ARHGEF11: variants seen among roughly 807,000 people sequenced by gnomAD.
ARHGEF11 encodes the protein Rho guanine exchange factor (GEF) 11.
A neutral mutation model predicts 193.7 loss-of-function variants in ARHGEF11; 55 were observed. The ratio of observed to expected loss-of-function variants is 0.28; its 90% CI spans 0.23 to 0.36. The LOEUF is 0.36. ARHGEF11 is among the 10% of genes least tolerant of loss of function. The pLI is 1.00. For missense variants in ARHGEF11, 1,723 were observed against 2,005.6 expected (o/e 0.86, Z 2.69); for synonymous variants, 693 against 768.0 (o/e 0.90, Z 1.62).
intron 3 of ARHGEF11, among the ~76,000 whole-genome samples, chr1:156,982,612 C>T (rs560537077): frequency 1.3e-5 from 2 of 152,266 alleles, no homozygotes; most frequent in East Asian, 1.9e-4. Flanking sequence ...TCCCTGTAAG[C>T]CATCTTTTCC....
chr1:156,940,262 C>A lies in ARHGEF11; in HGVS notation c.3678G>T (p.Leu1226Phe). ...CCATGAACAGAGGGCCTGGGAAGGCCAAGTGGATGGGGTTCCTTGTCCTGA... is the reference window on the plus strand; with the variant it reads ...CCATGAACAGAGGGCCTGGGAAGGCAAAGTGGATGGGGTTCCTTGTCCTGA... ...RGIRTRNPIHLAFPGPLFMEG... is the reference protein window; with the variant it reads ...RGIRTRNPIHFAFPGPLFMEG... The change falls in exon 36 of 41, where the codon TTG (leucine) becomes TTT (phenylalanine). Residue 1226 changes from leucine to phenylalanine, a missense_variant. This residue lies in a region of ARHGEF11 where 203 missense variants were observed against 237.3 expected (regional missense o/e 0.86). Coordinates refer to ENST00000368194, the MANE Select transcript of ARHGEF11 (RefSeq NM_198236.3). 6.2e-7 allele frequency: 1 copy of A among 1,611,540 alleles called. No homozygotes were observed. Among genetic ancestry groups the A allele is most frequent in the Non-Finnish European group, 8.5e-7 (1 of 1,178,278 alleles).
At chr1:156,946,540 T>A in intron 28 of ARHGEF11, 122 bp downstream of exon 28, 1 of 1,354,198 alleles carries the variant, frequency 7.4e-7, no homozygotes, top group Non-Finnish European at 1.0e-6. Flanking sequence ...GAGGAGCGTG[T>A]GTCGAAGGGT....
intron 1 of ARHGEF11, among the ~76,000 whole-genome samples, chr1:156,988,797 CA>C (rs761589059): frequency 2.6e-5 from 4 of 151,740 alleles, no homozygotes; most frequent in Admixed American, 2.0e-4. Flanking sequence ...GCAACAGATG[CA>C]AAAAAAATTT....
At chr1:156,961,970 C>A (rs1660927032) in intron 13 of ARHGEF11, among the ~76,000 whole-genome samples, 195 bp from the exon 14 acceptor site, 1 of 152,190 alleles carries the variant, frequency 6.6e-6, no homozygotes, top group Admixed American at 6.5e-5. Context: ...CAGTCTACCA[C>A]AACAAAGAAT....
At chr1:157,013,450 T>C (rs1327447329) in intron 1 of ARHGEF11, among the ~76,000 whole-genome samples, 1 of 151,972 alleles carries the variant, frequency 6.6e-6, no homozygotes, top group Admixed American at 6.6e-5. Flanking sequence ...TATGAATTCC[T>C]CAAACATTAA....
Position 156,948,484 on chromosome 1 carries a change from A to G in ARHGEF11, c.1940T>C (p.Ile647Thr), listed in dbSNP as rs555881730. ...LLESDSSRSE[I>T]RLGRSESLKG... ...GAGGCTTTCAGAGCGGCCCAGGCGA[A>G]TCTCTGAGCGTGAACTGGGGGGAAG... The change falls in exon 23 of 41, where the codon ATT becomes ACT. Residue 647 changes from isoleucine to threonine, a missense_variant. Around this residue, in one of 5 missense-constraint regions of ARHGEF11, gnomAD observed 491 missense variants for 654.5 expected, o/e 0.75. Coordinates refer to ENST00000368194, the MANE Select transcript of ARHGEF11 (RefSeq NM_198236.3). The surrounding 1 kb of genome is among the most constrained non-coding windows in gnomAD (Gnocchi z 4.2). 1.8e-5 allele frequency: 29 copies of G among 1,614,162 alleles called. No individual in the cohort carries two copies. The East Asian group carries it at 5.8e-4, about 32-fold the overall frequency.
rs188179361 is a variant in ARHGEF11, at chr1:157,031,593, C to T, written c.32+12706G>A. On this transcript the variant is annotated intron_variant, in intron 1 of 40. Coordinates refer to ENST00000368194, the MANE Select transcript of ARHGEF11 (RefSeq NM_198236.3). ...TGGAGAACCTGGAGATGATGAGAAA[C>T]GGCCCACTAATGCACAGGGCAAAAA... 6.6e-5 allele frequency among the ~76,000 whole-genome samples: 10 copies of T among 152,270 alleles called. No homozygotes were observed. The East Asian group carries it at 1.2e-3, about 18-fold the overall frequency.
Position 156,948,084 on chromosome 1 carries a change from C to A in ARHGEF11, c.2153+97G>T. On this transcript the variant is annotated intron_variant, in intron 24 of 40. Transcript: ENST00000368194. The surrounding 1 kb of genome is among the most constrained non-coding windows in gnomAD (Gnocchi z 4.2). ...AAACCAGTGGGCCCAGAAGAGGAGA[C>A]AGCCACCCAACCAGCCCCTTGCAGG... 1 of 1,536,274 alleles carries A rather than the reference C, an allele frequency of 6.5e-7. No homozygotes were observed. Among genetic ancestry groups the A allele is most frequent in the Non-Finnish European group, 8.8e-7 (1 of 1,135,866 alleles).
chr1:157,021,661 C>T (rs1405590399), intron 1 of ARHGEF11, among the ~76,000 whole-genome samples: 3 of 152,164 alleles, frequency 2.0e-5, no homozygotes, highest in South Asian at 2.1e-4. Context: ...AGACTAAATT[C>T]AAAAGTCTTG....
chr1:157,019,524 T>C (rs1384480519), intron 1 of ARHGEF11, among the ~76,000 whole-genome samples: 1 of 152,222 alleles, frequency 6.6e-6, no homozygotes, highest in East Asian at 1.9e-4. Context: ...GACCCAGCCA[T>C]TCTTCTAGGA....
rs1654885702 is a variant in ARHGEF11, at chr1:156,935,483, C to G, written c.*517G>C. On this transcript the variant is annotated 3_prime_UTR_variant, in exon 41 of 41. Coordinates refer to ENST00000368194, the MANE Select transcript of ARHGEF11 (RefSeq NM_198236.3). ...GCCTCCAGCACTTCAGGAACAGGAA[C>G]AAAAAAGGTCAAAGTTATTTACAAT... 1 of 152,304 alleles carries G rather than the reference C, an allele frequency of 6.6e-6. No individual in the cohort carries two copies. The highest frequency in any genetic ancestry group is 1.5e-5 in the Non-Finnish European group (1 of 68,214). The allele number at this position is 152,304 out of a possible 1,614,324, so 9.4% of individuals were successfully genotyped here.
At chr1:156,989,541 G>A (rs148469231) in intron 1 of ARHGEF11, among the ~76,000 whole-genome samples, 4 of 152,216 alleles carry the variant, frequency 2.6e-5, no homozygotes, top group African/African-American at 4.8e-5. Flanking sequence ...GGACCCAAAC[G>A]TCTTTTCAAA....
intron 22 of ARHGEF11, among the ~76,000 whole-genome samples, chr1:156,950,267 G>C (rs1053655377): frequency 2.6e-5 from 4 of 152,096 alleles, no homozygotes; most frequent in Non-Finnish European, 5.9e-5. Flanking sequence ...CTGAAAAAAG[G>C]CTTCATATAA....
At chr1:156,974,762 C>T (rs1331933461) in intron 7 of ARHGEF11, among the ~76,000 whole-genome samples, 1 of 152,210 alleles carries the variant, frequency 6.6e-6, no homozygotes, top group East Asian at 1.9e-4. Context: ...AATAATACGA[C>T]CTGTAGATTT....
chr1:157,016,985 T>A (rs1018078090), intron 1 of ARHGEF11, among the ~76,000 whole-genome samples: 5 of 152,052 alleles, frequency 3.3e-5, no homozygotes, highest in Non-Finnish European at 7.4e-5. Flanking sequence ...CTAGTGAGAT[T>A]TAAGGCTAGA....
intron 1 of ARHGEF11, among the ~76,000 whole-genome samples, chr1:157,011,352 T>C (rs1313250948): frequency 2.0e-5 from 3 of 152,174 alleles, no homozygotes; most frequent in Non-Finnish European, 4.4e-5. Flanking sequence ...TAACTCAAAA[T>C]GGATCACTGA....
At chr1:157,019,089 T>C (rs1035907543) in intron 1 of ARHGEF11, among the ~76,000 whole-genome samples, 29 of 152,222 alleles carry the variant, frequency 1.9e-4, no homozygotes, top group Non-Finnish European at 1.5e-5. Flanking sequence ...GATTTATTCA[T>C]TAAATACAAA....
rs370918950 is a variant in ARHGEF11 at position 156,937,379 on chromosome 1, T to G, written c.4310A>C (p.Gln1437Pro). Residue 1437 changes from glutamine to proline, a missense_variant, in exon 39 of 41, where the codon CAG becomes CCG. Physicochemically the swap from Gln to Pro is moderately conservative, Grantham distance 76. This residue lies in a region of ARHGEF11 where 360 missense variants were observed against 344.4 expected (regional missense o/e 1.05). Coordinates refer to ENST00000368194, the MANE Select transcript of ARHGEF11 (RefSeq NM_198236.3). ...DSLPAGQTEPQPQLQGGNDDP... is the reference protein window; with the variant it reads ...DSLPAGQTEPPPQLQGGNDDP... ...ATCGTTGCCTCCCTGCAGCTGAGGCTGAGGCTCTGTCTGCCCTGCAGGGAG... is the reference window on the plus strand; with the variant it reads ...ATCGTTGCCTCCCTGCAGCTGAGGCGGAGGCTCTGTCTGCCCTGCAGGGAG... The G allele has an allele frequency of 1.9e-4, 313 of 1,608,482 alleles. 1 individual carries two copies. The highest frequency in any genetic ancestry group is 1.5e-3 in the Middle Eastern group (9 of 6,034).
rs372348613 is a variant in ARHGEF11, at chr1:156,939,828, G to A, written c.3816C>T (p.Asp1272=). The A allele has an allele frequency of 4.4e-5, 71 of 1,613,140 alleles. No homozygotes were observed. The highest frequency in any genetic ancestry group is 5.0e-5 in the Admixed American group (3 of 59,964). Residue 1272 remains aspartate, a synonymous_variant, in exon 37 of 41, where the codon GAC becomes GAT. Transcript: ENST00000368194. ...METQAAQEPE[D]DLTPTPSVIS... The stretch of plus-strand genomic sequence containing the variant: ...TGACAGAAGGTGTGGGTGTCAGGTC[G>A]TCCTCGGGCTCCTGGGCAGCCTGAG...
Sources: gnomAD v4.1 joint callset for allele counts (sites outside exome capture counted in the v4.1 genomes callset) on GRCh38, gnomAD v4.1.1 for gene constraint, gnomAD v4.1.1 regional missense constraint, Gnocchi (gnomAD v3.1) non-coding constraint, MANE v1.5 for transcripts, NCBI Gene and HGNC (gene_info 2026-07-23, HGNC 2026-07-21) for gene names.